The following CRTAC1 variants were observed in gnomAD, a reference collection of about 807,000 sequenced individuals.
The protein encoded by CRTAC1 is cartilage acidic protein 1, also known as acidic secreted protein in cartilage.
CRTAC1 carries 37 observed loss-of-function variants against 67.8 expected under a neutral mutation model. The observed-to-expected ratio is 0.55, with a 90% CI of 0.42 to 0.72. The LOEUF (loss-of-function observed/expected upper bound fraction) is 0.72. Among genes scored for constraint, CRTAC1 ranks in the 30% least tolerant of loss-of-function variants. CRTAC1 has a pLI of 0.00. For synonymous variants in CRTAC1, 348 were observed against 371.0 expected (o/e 0.94, Z 0.71); for missense variants, 780 against 931.6 (o/e 0.84, Z 2.12).
At chr10:97,884,645 GA>G in intron 11 of CRTAC1, 1 of 345,534 alleles carries the variant, frequency 2.9e-6, no homozygotes. Flanking sequence ...CGTGATTGAA[GA>G]GGTGAATTTT....
At chr10:97,929,192 T>C (rs1177718851) in intron 3 of CRTAC1, among the ~76,000 whole-genome samples, 1 of 151,866 alleles carries the variant, frequency 6.6e-6, no homozygotes, top group Non-Finnish European at 1.5e-5. Context: ...AAAGTGACCA[T>C]GGGGTGGCCA....
At chr10:97,960,779 G>C (rs557883536) in intron 2 of CRTAC1, among the ~76,000 whole-genome samples, 1 of 152,294 alleles carries the variant, frequency 6.6e-6, no homozygotes, top group African/African-American at 2.4e-5. Context: ...ACTGTTAACT[G>C]CTTCGCTAAA....
At chr10:98,007,094 G>C (rs1426983770) in intron 2 of CRTAC1, among the ~76,000 whole-genome samples, 2 of 152,106 alleles carry the variant, frequency 1.3e-5, no homozygotes, top group African/African-American at 4.8e-5. Flanking sequence ...ATCTTCAAAG[G>C]CAATAGCAAA....
intron 14 of CRTAC1, among the ~76,000 whole-genome samples, chr10:97,876,762 G>T (rs994924214): frequency 1.3e-5 from 2 of 152,124 alleles, no homozygotes; most frequent in African/African-American, 4.8e-5. Context: ...AACGGTTTGG[G>T]CTCCCACGGG....
chr10:97,926,729 A>C (rs2050925605), intron 3 of CRTAC1, among the ~76,000 whole-genome samples: 4 of 152,204 alleles, frequency 2.6e-5, no homozygotes, highest in Middle Eastern at 3.2e-3. Context: ...ATTTCCCACA[A>C]AACTTAAAAA....
chr10:97,963,827 G>A (rs1590243451), intron 2 of CRTAC1, among the ~76,000 whole-genome samples: 1 of 152,216 alleles, frequency 6.6e-6, no homozygotes, highest in East Asian at 1.9e-4. Flanking sequence ...AGAGGTAGAT[G>A]TAGGTCGTTG....
chr10:97,904,943 G>T (rs912891841), intron 6 of CRTAC1, 129 bp from the exon 7 acceptor site: 17 of 1,119,760 alleles, frequency 1.5e-5, no homozygotes, highest in Non-Finnish European at 2.0e-5. Flanking sequence ...AGGAGATACG[G>T]GAGACATAGC....
chr10:98,025,211 G>C (rs772761957), intron 1 of CRTAC1, among the ~76,000 whole-genome samples: 2 of 152,196 alleles, frequency 1.3e-5, no homozygotes, highest in Non-Finnish European at 2.9e-5. Flanking sequence ...CAATGCTCCA[G>C]TCCCGGGTTT....
At chr10:98,009,797 T>C (rs1842872225) in intron 2 of CRTAC1, among the ~76,000 whole-genome samples, 1 of 152,196 alleles carries the variant, frequency 6.6e-6, no homozygotes, top group Non-Finnish European at 1.5e-5. Context: ...ATAACGAAAC[T>C]TTGTACAGTG....
chr10:97,865,567 C>G lies in CRTAC1; in HGVS notation c.1967G>C (p.Ser656Thr), dbSNP rs1385105878. ...DLNLGSVVKE[S>T]CEPSC ...CCCTGCTCAGCAGCTGGGCTCGCAG[C>G]TCTCCTTAACCACCGACCCCAGATT... Residue 656 changes from serine to threonine, a missense_variant, in exon 15 of 15, where the codon AGC (serine) becomes ACC (threonine). Transcript: ENST00000370597. The G allele has an allele frequency of 6.2e-7, 1 of 1,610,012 alleles. No individual in the cohort carries two copies. Among genetic ancestry groups the G allele is most frequent in the African/African-American group, 1.3e-5 (1 of 74,880 alleles).
intron 2 of CRTAC1, among the ~76,000 whole-genome samples, chr10:98,005,096 A>ATTTTTTTTTTTTTTTT (rs1247445698): frequency 6.1e-5 from 2 of 33,016 alleles, no homozygotes; most frequent in East Asian, 1.2e-3. Context: ...ATATATATAT[A>ATTTTTTTTTTTTTTTT]TATATTTTTT....
chr10:98,020,734 G>A (rs1414063423), intron 1 of CRTAC1, among the ~76,000 whole-genome samples: 1 of 152,246 alleles, frequency 6.6e-6, no homozygotes, highest in East Asian at 1.9e-4. Context: ...GGTTTGTGTA[G>A]TGCAGTGAGG....
chr10:97,891,721 C>A (rs377750616), intron 11 of CRTAC1, among the ~76,000 whole-genome samples: 6 of 152,346 alleles, frequency 3.9e-5, no homozygotes, highest in Admixed American at 3.3e-4. Flanking sequence ...CTCCATCTGG[C>A]CTTCTCCACT....
At position 97,895,001 on chromosome 10, in the gene CRTAC1, T is replaced by A. The variant is rs1486102643; in HGVS notation, c.1486+244A>T. ...ACACTCTGACCCCAAGGTGAACTAA[T>A]TCCACAGAGGCACTGGGGTGGGGAC... On this transcript the variant is annotated intron_variant, in intron 11 of 14. Coordinates refer to ENST00000370597, the MANE Select transcript of CRTAC1 (RefSeq NM_018058.7). This position sits in a 1 kb window ranked among gnomAD's most constrained non-coding sequence, Gnocchi z 4.2. Among the ~76,000 whole-genome samples the A allele has an allele frequency of 6.6e-6, 1 of 151,708 alleles. No homozygotes were observed. Among genetic ancestry groups the A allele is most frequent in the Non-Finnish European group, 1.5e-5 (1 of 67,934 alleles).
At chr10:97,920,617 T>A (rs896287238) in intron 4 of CRTAC1, among the ~76,000 whole-genome samples, 2 of 152,238 alleles carry the variant, frequency 1.3e-5, no homozygotes, top group African/African-American at 2.4e-5. Context: ...ACTGCTGGTC[T>A]GGGAACCACA....
intron 2 of CRTAC1, among the ~76,000 whole-genome samples, chr10:97,996,099 C>T (rs903876959): frequency 2.0e-5 from 3 of 151,970 alleles, no homozygotes; most frequent in Middle Eastern, 3.4e-3. Context: ...GGATTAAAGA[C>T]TTAAACGTTA....
At chr10:97,885,178 C>T (rs57012988) in intron 11 of CRTAC1, among the ~76,000 whole-genome samples, 1,780 of 152,060 alleles carry the variant, frequency 0.012, 36 homozygotes, top group African/African-American at 0.036. Flanking sequence ...CTTAGGGAGG[C>T]GGCATTTGCA....
chr10:97,895,182 G>A lies in CRTAC1; in HGVS notation c.1486+63C>T. On this transcript the variant is annotated intron_variant, in intron 11 of 14. Coordinates refer to ENST00000370597, the MANE Select transcript of CRTAC1 (RefSeq NM_018058.7). The surrounding 1 kb of genome is among the most constrained non-coding windows in gnomAD (Gnocchi z 4.2). ...CGGTGCCCAAGGATGCTCGGGCTGT[G>A]AGTCCCTGAATCAGTCAGCATCCTG... 1 of 1,529,218 alleles carries A rather than the reference G, an allele frequency of 6.5e-7. No individual in the cohort carries two copies. The highest frequency in any genetic ancestry group is 1.2e-5 in the South Asian group (1 of 85,976). 94.7% of individuals were successfully genotyped at this position (1,529,218 alleles called of 1,614,324 possible).
intron 11 of CRTAC1, among the ~76,000 whole-genome samples, chr10:97,890,670 CTT>C (rs771905344): frequency 7.0e-5 from 10 of 143,500 alleles, no homozygotes; most frequent in Admixed American, 1.4e-4. Flanking sequence ...TCTTTTCTTT[CTT>C]TTTTTTTTTT....
Sources: allele counts gnomAD v4.1 joint callset (sites outside exome capture counted in the v4.1 genomes callset), GRCh38; gene constraint gnomAD v4.1.1; non-coding constraint Gnocchi (gnomAD v3.1); transcripts MANE v1.5; gene names NCBI Gene and HGNC (gene_info 2026-07-23, HGNC 2026-07-21).